ABI3BP: variants seen among roughly 807,000 people sequenced by gnomAD.
ABI3BP encodes the protein ABI family member 3 binding protein, also known as target of Nesh-SH3.
Under a neutral mutation model 268.6 loss-of-function variants are expected in ABI3BP, and 216 were observed. The ratio of observed to expected loss-of-function variants is 0.80; its 90% CI spans 0.72 to 0.90. The LOEUF (loss-of-function observed/expected upper bound fraction) is 0.90. ABI3BP is among the 40% of genes least tolerant of loss of function. The pLI is 0.00. For missense variants in ABI3BP, 2,090 were observed against 2,182.4 expected (o/e 0.96, Z 0.84); for synonymous variants, 730 against 730.0 (o/e 1.00, Z 0.00).
At position 100,795,901 on chromosome 3, in the gene ABI3BP, G is replaced by A. The variant is rs770671919; in HGVS notation, c.3818-50C>T. ...ACATATTTATGAGAATTACTACCTG[G>A]CAAAGTCAAAATAGTTTCCTTATTT... On this transcript the variant is annotated intron_variant, in intron 52 of 67. Transcript: ENST00000471714. 1.5e-5 allele frequency: 18 copies of A among 1,222,018 alleles called. No homozygotes were observed. In the South Asian group the frequency reaches 2.2e-4, roughly 15 times the overall value. 75.7% of individuals were successfully genotyped at this position (1,222,018 alleles called of 1,614,324 possible).
intron 65 of ABI3BP, 28 bp downstream of exon 65, chr3:100,753,791 G>T: frequency 6.2e-7 from 1 of 1,608,764 alleles, no homozygotes; most frequent in Non-Finnish European, 8.5e-7. Context: ...AAAGCATGTA[G>T]TTGTGCCTCA....
intron 14 of ABI3BP, among the ~76,000 whole-genome samples, chr3:100,854,698 T>C (rs2098919535): frequency 6.6e-6 from 1 of 152,194 alleles, no homozygotes; most frequent in South Asian, 2.1e-4. Flanking sequence ...TGATTTTGCA[T>C]TCACAGAACA....
At chr3:100,931,868 A>G (rs1583862360) in intron 1 of ABI3BP, among the ~76,000 whole-genome samples, 1 of 152,164 alleles carries the variant, frequency 6.6e-6, no homozygotes, top group Non-Finnish European at 1.5e-5. Context: ...TAAAATTCAT[A>G]TGGAACCACA....
intron 1 of ABI3BP, among the ~76,000 whole-genome samples, chr3:100,933,893 C>T (rs977027736): frequency 5.3e-5 from 8 of 151,924 alleles, no homozygotes; most frequent in Non-Finnish European, 1.2e-4. Context: ...TTCAACTCTG[C>T]CATCATAGCA....
chr3:100,903,748 A>G (rs570199035), intron 2 of ABI3BP, among the ~76,000 whole-genome samples: 1 of 152,328 alleles, frequency 6.6e-6, no homozygotes, highest in Admixed American at 6.5e-5. Context: ...TGGCAACTCA[A>G]CTTCTCTTAG....
chr3:100,950,103 T>C (rs1191914855), intron 1 of ABI3BP, among the ~76,000 whole-genome samples: 1 of 152,202 alleles, frequency 6.6e-6, no homozygotes, highest in African/African-American at 2.4e-5. Context: ...CTTTTTCATT[T>C]CAGTGTACTT....
chr3:100,847,261 A>G (rs2098780129), intron 19 of ABI3BP, among the ~76,000 whole-genome samples: 9 of 152,240 alleles, frequency 5.9e-5, no homozygotes, highest in Admixed American at 5.9e-4. Flanking sequence ...ATGAAGTTGG[A>G]AGTTGAACTT....
Position 100,770,777 on chromosome 3 carries a change from C to A in ABI3BP, c.4707G>T (p.Leu1569Phe). 1.3e-6 allele frequency: 2 copies of A among 1,551,964 alleles called. No individual in the cohort carries two copies. Among genetic ancestry groups the A allele is most frequent in the Non-Finnish European group, 8.7e-7 (1 of 1,147,576 alleles). Residue 1569 changes from leucine to phenylalanine, a missense_variant, in exon 62 of 68, where the codon TTG (leucine) becomes TTT (phenylalanine). Coordinates refer to ENST00000471714, the MANE Select transcript of ABI3BP (RefSeq NM_001375547.2). Reference protein sequence around the residue: ...TVEGCPSFVILDWEKPLNDTV... With the variant: ...TVEGCPSFVIFDWEKPLNDTV... ...TGTCATTTAGTGGCTTTTCCCAGTC[C>A]AAGATGACAAATGAGGGGCACCCTT...
intron 4 of ABI3BP, among the ~76,000 whole-genome samples, chr3:100,894,938 C>CA (rs58342344): frequency 0.012 from 436 of 37,698 alleles, 70 homozygotes; most frequent in African/African-American, 0.043. Flanking sequence ...GATTCCGCTT[C>CA]AAAAAAAAAA....
At chr3:100,858,886 G>A (rs1372636442) in intron 14 of ABI3BP, among the ~76,000 whole-genome samples, 1 of 152,146 alleles carries the variant, frequency 6.6e-6, no homozygotes. Flanking sequence ...CCACCTTCTG[G>A]CTGATACGAG....
At chr3:100,794,080 TTGAC>T (rs1275613053) in intron 54 of ABI3BP, among the ~76,000 whole-genome samples, 1 of 152,052 alleles carries the variant, frequency 6.6e-6, no homozygotes, top group Non-Finnish European at 1.5e-5. Flanking sequence ...ATTTGCATCT[TTGAC>T]TGGTCAACTT....
intron 1 of ABI3BP, among the ~76,000 whole-genome samples, chr3:100,945,150 A>C (rs2071503610): frequency 6.6e-6 from 1 of 152,208 alleles, no homozygotes; most frequent in Non-Finnish European, 1.5e-5. Context: ...AAAGTGCAAG[A>C]AAATCCAAAT....
At chr3:100,846,569 A>G (rs2098771563) in intron 19 of ABI3BP, 123 bp from the exon 20 acceptor site, 2 of 617,194 alleles carry the variant, frequency 3.2e-6, no homozygotes, top group African/African-American at 1.8e-5. Context: ...ATCGTCTTGG[A>G]AGATTTTGGA....
intron 40 of ABI3BP, among the ~76,000 whole-genome samples, chr3:100,818,963 C>T (rs1393231793): frequency 6.6e-6 from 1 of 152,210 alleles, no homozygotes; most frequent in African/African-American, 2.4e-5. Flanking sequence ...AGCACGAATA[C>T]AGTCAACAGC....
At chr3:100,793,089 G>A (rs767560682) in intron 54 of ABI3BP, among the ~76,000 whole-genome samples, 27 of 151,720 alleles carry the variant, frequency 1.8e-4, no homozygotes, top group Non-Finnish European at 3.7e-4. Flanking sequence ...TTGCCTCGAT[G>A]TATTTATCTC....
At chr3:100,941,975 A>C (rs1207275229) in intron 1 of ABI3BP, among the ~76,000 whole-genome samples, 1 of 152,084 alleles carries the variant, frequency 6.6e-6, no homozygotes, top group Non-Finnish European at 1.5e-5. Flanking sequence ...ACAATCAATG[A>C]TCATATATAG....
intron 1 of ABI3BP, among the ~76,000 whole-genome samples, chr3:100,969,090 G>A (rs1359696954): frequency 2.6e-5 from 4 of 152,114 alleles, no homozygotes; most frequent in African/African-American, 4.8e-5. Context: ...TACAAAGGGC[G>A]GGGAAGCATA....
At chr3:100,846,283 A>G (rs1459249160) in intron 20 of ABI3BP, 89 bp downstream of exon 20, 13 of 920,034 alleles carry the variant, frequency 1.4e-5, no homozygotes, top group Non-Finnish European at 2.1e-5. Flanking sequence ...ATGTCAAAAT[A>G]TAAATCAGAA....
chr3:100,789,204 A>G (rs1377388660), intron 56 of ABI3BP, among the ~76,000 whole-genome samples: 2 of 152,074 alleles, frequency 1.3e-5, no homozygotes, highest in African/African-American at 4.8e-5. Flanking sequence ...GTCCAACACT[A>G]TTTTTAAATA....
Sources: gnomAD v4.1 joint callset for allele counts (sites outside exome capture counted in the v4.1 genomes callset) on GRCh38, gnomAD v4.1.1 for gene constraint, MANE v1.5 for transcripts, NCBI Gene and HGNC (gene_info 2026-07-23, HGNC 2026-07-21) for gene names.